Variants in SGCZ observed in about 807,000 individuals in gnomAD.
The protein encoded by SGCZ is zeta-sarcoglycan.
SGCZ carries 40 observed loss-of-function variants against 41.3 expected under a neutral mutation model. That is an observed-to-expected ratio of 0.97 (90% CI 0.75 to 1.26). The LOEUF (loss-of-function observed/expected upper bound fraction) is 1.26. Among genes scored for constraint, SGCZ ranks in the 50% most tolerant of loss-of-function variants. The pLI, the probability that SGCZ is intolerant of heterozygous loss-of-function variation, is 0.00. For synonymous variants in SGCZ, 206 were observed against 137.5 expected (o/e 1.50, Z -3.49); for missense variants, 552 against 369.8 (o/e 1.49, Z -4.04).
chr8:15,185,629 G>A (rs1563572), intron 1 of SGCZ, among the ~76,000 whole-genome samples: 64,667 of 151,950 alleles, frequency 0.43, 15,064 homozygotes, highest in Non-Finnish European at 0.5. Flanking sequence ...TACCATCTTG[G>A]ACAGCACAGA....
intron 1 of SGCZ, among the ~76,000 whole-genome samples, chr8:14,774,213 G>T (rs910322536): frequency 3.3e-5 from 5 of 152,162 alleles, no homozygotes; most frequent in African/African-American, 1.2e-4. Context: ...GAACTGTGCA[G>T]CCTGAAGGCC....
At chr8:14,745,704 ATG>A (rs1799321425) in intron 1 of SGCZ, among the ~76,000 whole-genome samples, 1 of 152,098 alleles carries the variant, frequency 6.6e-6, no homozygotes. Flanking sequence ...ATATATATAT[ATG>A]GTATGAAATT....
At chr8:15,150,008 T>C (rs1274424137) in intron 1 of SGCZ, among the ~76,000 whole-genome samples, 4 of 152,162 alleles carry the variant, frequency 2.6e-5, no homozygotes, top group African/African-American at 7.2e-5. Context: ...AAATCTGCAG[T>C]GTGTCTGCAA....
chr8:15,114,112 A>G (rs1295942408), intron 1 of SGCZ, among the ~76,000 whole-genome samples: 1 of 152,206 alleles, frequency 6.6e-6, no homozygotes, highest in Non-Finnish European at 1.5e-5. Context: ...ATTCTATTTA[A>G]TGTAACCCTC....
chr8:14,787,533 GT>G (rs1293356540), intron 1 of SGCZ, among the ~76,000 whole-genome samples: 1 of 152,078 alleles, frequency 6.6e-6, no homozygotes, highest in African/African-American at 2.4e-5. Context: ...TAGTAACTGA[GT>G]TTTATCCTAA....
At chr8:14,295,130 C>T (rs1236989893) in intron 3 of SGCZ, among the ~76,000 whole-genome samples, 1 of 152,136 alleles carries the variant, frequency 6.6e-6, no homozygotes, top group African/African-American at 2.4e-5. Context: ...AAAAGCTTTT[C>T]TGTAAATGTT....
At chr8:14,874,451 T>C (rs561580570) in intron 1 of SGCZ, among the ~76,000 whole-genome samples, 3 of 152,248 alleles carry the variant, frequency 2.0e-5, no homozygotes, top group Admixed American at 6.5e-5. Context: ...TAAATAAAAA[T>C]CCTTGGGGAT....
At chr8:14,464,777 G>T (rs537620064) in intron 2 of SGCZ, among the ~76,000 whole-genome samples, 15 of 151,168 alleles carry the variant, frequency 9.9e-5, no homozygotes, top group Middle Eastern at 3.4e-3. Context: ...TTTAAGTTTT[G>T]CTATATTTCT....
At chr8:14,880,212 T>A (rs895876420) in intron 1 of SGCZ, among the ~76,000 whole-genome samples, 25 of 152,158 alleles carry the variant, frequency 1.6e-4, no homozygotes, top group African/African-American at 5.8e-4. Context: ...TTGCTCATCA[T>A]CACTGGCCAT....
intron 1 of SGCZ, among the ~76,000 whole-genome samples, chr8:15,009,801 A>G (rs1449134748): frequency 6.6e-6 from 1 of 152,184 alleles, no homozygotes; most frequent in East Asian, 1.9e-4. Flanking sequence ...TATTTCTCAT[A>G]TGGATAAGCC....
chr8:14,714,079 T>C (rs1392700241), intron 1 of SGCZ, among the ~76,000 whole-genome samples: 2 of 152,110 alleles, frequency 1.3e-5, no homozygotes, highest in Admixed American at 1.3e-4. Flanking sequence ...GCAATTCTTC[T>C]GCCTCAGCCT....
intron 4 of SGCZ, among the ~76,000 whole-genome samples, chr8:14,222,289 C>G (rs1171208156): frequency 6.6e-6 from 1 of 151,920 alleles, no homozygotes; most frequent in Non-Finnish European, 1.5e-5. Context: ...TCTGCCTCAG[C>G]CTCCCGAGTA....
At chr8:14,507,669 G>C (rs1264271586) in intron 2 of SGCZ, among the ~76,000 whole-genome samples, 1 of 152,060 alleles carries the variant, frequency 6.6e-6, no homozygotes, top group East Asian at 1.9e-4. Context: ...TGTACTTTCT[G>C]CATGGAATGC....
At chr8:14,579,910 T>C (rs994923423) in intron 1 of SGCZ, among the ~76,000 whole-genome samples, 1 of 152,180 alleles carries the variant, frequency 6.6e-6, no homozygotes, top group East Asian at 1.9e-4. Context: ...ATGTTTTATG[T>C]GCCAGAGAGT....
At chr8:14,253,710 T>C (rs1308813189) in intron 3 of SGCZ, among the ~76,000 whole-genome samples, 1 of 152,142 alleles carries the variant, frequency 6.6e-6, no homozygotes, top group Non-Finnish European at 1.5e-5. Flanking sequence ...CTTATTTATA[T>C]ATGTAACATA....
intron 1 of SGCZ, among the ~76,000 whole-genome samples, chr8:15,000,357 T>C (rs560062872): frequency 6.6e-6 from 1 of 152,170 alleles, no homozygotes; most frequent in Non-Finnish European, 1.5e-5. Flanking sequence ...TGGACCAGTT[T>C]AGAGGGTGTC....
At chr8:14,462,375 AT>A (rs1800926690) in intron 2 of SGCZ, among the ~76,000 whole-genome samples, 1 of 152,012 alleles carries the variant, frequency 6.6e-6, no homozygotes, top group South Asian at 2.1e-4. Flanking sequence ...TATCTTAAAT[AT>A]TTTTAACCAT....
At chr8:14,461,432 G>C (rs13439783) in intron 2 of SGCZ, among the ~76,000 whole-genome samples, 3,164 of 152,074 alleles carry the variant, frequency 0.021, 42 homozygotes, top group South Asian at 0.048. Flanking sequence ...GTTAACACTT[G>C]CTGCTCAAAA....
chr8:15,099,699 C>A (rs752646360), intron 1 of SGCZ, among the ~76,000 whole-genome samples: 22 of 152,074 alleles, frequency 1.4e-4, no homozygotes, highest in Non-Finnish European at 2.6e-4. Context: ...TCTAAAAATT[C>A]TCAGTAAAAT....
Sources: allele counts gnomAD v4.1 joint callset (sites outside exome capture counted in the v4.1 genomes callset), GRCh38; gene constraint gnomAD v4.1.1; transcripts MANE v1.5; gene names NCBI Gene and HGNC (gene_info 2026-07-23, HGNC 2026-07-21).